The following GALNT10 variants were observed in gnomAD, a reference collection of about 807,000 sequenced individuals.
GALNT10 encodes the protein GalNAc transferase 10.
A neutral mutation model predicts 75.0 loss-of-function variants in GALNT10; 41 were observed. That is an observed-to-expected ratio of 0.55 (90% CI 0.43 to 0.71). The LOEUF is 0.71. GALNT10 is among the 30% of genes least tolerant of loss of function. The pLI is 0.00. For missense variants in GALNT10, 727 were observed against 818.5 expected (o/e 0.89, Z 1.36); for synonymous variants, 302 against 313.0 (o/e 0.96, Z 0.37).
At chr5:154,337,625 A>G in intron 4 of GALNT10, 1 of 904,300 alleles carries the variant, frequency 1.1e-6, no homozygotes, top group Non-Finnish European at 1.8e-6. Flanking sequence ...TTGAAGACTG[A>G]TAGTTGTAAT....
rs1274217887 is a variant in GALNT10 at position 154,352,208 on chromosome 5, G to A, written c.568+22470G>A. 1.3e-5 allele frequency among the ~76,000 whole-genome samples: 2 copies of A among 152,354 alleles called. No individual in the cohort carries two copies. Among genetic ancestry groups the A allele is most frequent in the East Asian group, 1.9e-4 (1 of 5,186 alleles). The stretch of plus-strand genomic sequence containing the variant: ...CACCCTGACCTGGGCCTCAGGGACT[G>A]TTCCCAGGCAGGGCTCACAAGGGAA... On this transcript the variant is annotated intron_variant, in intron 4 of 11. Coordinates refer to ENST00000297107, the MANE Select transcript of GALNT10 (RefSeq NM_198321.4). This position sits in a 1 kb window ranked among gnomAD's most constrained non-coding sequence, Gnocchi z 4.4.
chr5:154,350,227 ACT>A (rs1313446767), intron 4 of GALNT10, among the ~76,000 whole-genome samples: 2 of 151,988 alleles, frequency 1.3e-5, no homozygotes, highest in African/African-American at 4.8e-5. Flanking sequence ...AACTGGAGAC[ACT>A]GAGAATGGGG....
At chr5:154,255,108 A>G (rs1753586075) in intron 1 of GALNT10, among the ~76,000 whole-genome samples, 1 of 152,084 alleles carries the variant, frequency 6.6e-6, no homozygotes, top group Non-Finnish European at 1.5e-5. Flanking sequence ...ATGAGTCACC[A>G]TGCCCAGCCC....
At chr5:154,267,524 T>C (rs1753797064) in intron 1 of GALNT10, among the ~76,000 whole-genome samples, 1 of 152,236 alleles carries the variant, frequency 6.6e-6, no homozygotes, top group Non-Finnish European at 1.5e-5. Context: ...AGGTTTTCCC[T>C]GTCTGCCCTA....
chr5:154,336,818 T>A (rs1200528404), intron 4 of GALNT10, among the ~76,000 whole-genome samples: 1 of 152,226 alleles, frequency 6.6e-6, no homozygotes, highest in Non-Finnish European at 1.5e-5. Context: ...TTCTACTGTG[T>A]GCTAAGTGCA....
intron 4 of GALNT10, among the ~76,000 whole-genome samples, chr5:154,366,011 A>C (rs1381486027): frequency 6.6e-6 from 1 of 152,196 alleles, no homozygotes; most frequent in Non-Finnish European, 1.5e-5. Flanking sequence ...CATGTATATC[A>C]AGAGCAGATA....
chr5:154,387,520 G>C (rs549265790), intron 7 of GALNT10: 2 of 152,228 alleles, frequency 1.3e-5, no homozygotes, highest in Admixed American at 1.3e-4. Context: ...CAGGCACAGT[G>C]AATTAAGGCT....
At chr5:154,405,279 G>C (rs1324937798) in intron 8 of GALNT10, among the ~76,000 whole-genome samples, 1 of 152,166 alleles carries the variant, frequency 6.6e-6, no homozygotes, top group Non-Finnish European at 1.5e-5. Flanking sequence ...AAAGCCGAGA[G>C]GCTCAAAGAG....
chr5:154,254,706 G>A (rs6873164), intron 1 of GALNT10, among the ~76,000 whole-genome samples: 99,360 of 151,824 alleles, frequency 0.65, 32,871 homozygotes, highest in East Asian at 0.86. Flanking sequence ...GCATTGTATT[G>A]AGAAGATGTC....
chr5:154,229,778 A>G (rs1010634937), intron 1 of GALNT10, among the ~76,000 whole-genome samples: 4 of 152,202 alleles, frequency 2.6e-5, no homozygotes, highest in Non-Finnish European at 5.9e-5. Flanking sequence ...GGACCAGGAC[A>G]GTCTTACTCC....
intron 7 of GALNT10, 42 bp from the exon 8 acceptor site, chr5:154,404,062 G>C (rs1756221973): frequency 1.3e-6 from 2 of 1,488,790 alleles, no homozygotes; most frequent in Non-Finnish European, 1.9e-6. Context: ...TGGTGAACTG[G>C]AAGCAGAAAC....
chr5:154,334,888 T>C (rs1346083497), intron 4 of GALNT10, among the ~76,000 whole-genome samples: 1 of 152,208 alleles, frequency 6.6e-6, no homozygotes. Context: ...CCAGGGTCAA[T>C]AGTCCTCTTC....
At position 154,416,163 on chromosome 5, in the gene GALNT10, G is replaced by T. The variant is rs987618769; in HGVS notation, c.1653+231G>T. 2.0e-5 allele frequency among the ~76,000 whole-genome samples: 3 copies of T among 152,180 alleles called. No individual in the cohort carries two copies. The highest frequency in any genetic ancestry group is 4.4e-5 in the Non-Finnish European group (3 of 68,048). ...CCATTTAAAAAGAAAAGTGCAGCCGGGCACAGTGGCTCATGCCTGTAATCC... is the reference window on the plus strand; with the variant it reads ...CCATTTAAAAAGAAAAGTGCAGCCGTGCACAGTGGCTCATGCCTGTAATCC... On this transcript the variant is annotated intron_variant, in intron 11 of 11. Coordinates refer to ENST00000297107, the MANE Select transcript of GALNT10 (RefSeq NM_198321.4). The surrounding 1 kb of genome is among the most constrained non-coding windows in gnomAD (Gnocchi z 4.5).
chr5:154,404,536 G>A (rs1309373242), intron 8 of GALNT10, among the ~76,000 whole-genome samples: 2 of 151,680 alleles, frequency 1.3e-5, no homozygotes, highest in East Asian at 1.9e-4. Flanking sequence ...CAGAGGAGAC[G>A]ATCTTAGGCA....
In GALNT10 at chr5:154,344,070, G is replaced by A. The variant is rs190332453; in HGVS notation, c.568+14332G>A. Among the ~76,000 whole-genome samples, 7 of 152,158 alleles carry A rather than the reference G, an allele frequency of 4.6e-5. No individual in the cohort carries two copies. In the East Asian group the frequency reaches 9.7e-4, roughly 21 times the overall value. ...CATATTCATATTACATTAGAATCAC[G>A]CTCCTTGAAGGGTTCATCAGTGGGA... On this transcript the variant is annotated intron_variant, in intron 4 of 11. Coordinates refer to ENST00000297107, the MANE Select transcript of GALNT10 (RefSeq NM_198321.4).
chr5:154,279,592 C>G (rs138555674), intron 1 of GALNT10, among the ~76,000 whole-genome samples: 1 of 151,846 alleles, frequency 6.6e-6, no homozygotes, highest in Non-Finnish European at 1.5e-5. Context: ...CATGAGCCTC[C>G]GCACCTGGCT....
chr5:154,296,989 T>C (rs559009299), intron 2 of GALNT10, among the ~76,000 whole-genome samples: 2 of 152,356 alleles, frequency 1.3e-5, no homozygotes, highest in East Asian at 3.9e-4. Flanking sequence ...CAATGTTTAC[T>C]TTGCAGAGTA....
intron 8 of GALNT10, among the ~76,000 whole-genome samples, chr5:154,404,512 T>C (rs1406622426): frequency 1.3e-5 from 2 of 152,184 alleles, no homozygotes; most frequent in Non-Finnish European, 1.5e-5. Context: ...GTGATACTGT[T>C]TCCCAGAGTG....
At chr5:154,194,490 C>T (rs1774905362) in intron 1 of GALNT10, among the ~76,000 whole-genome samples, 1 of 152,110 alleles carries the variant, frequency 6.6e-6, no homozygotes, top group South Asian at 2.1e-4. Flanking sequence ...GTTGATTTGC[C>T]AGAACAAATC....
Sources: gnomAD v4.1 joint callset for allele counts (sites outside exome capture counted in the v4.1 genomes callset) on GRCh38, gnomAD v4.1.1 for gene constraint, Gnocchi (gnomAD v3.1) non-coding constraint, MANE v1.5 for transcripts, NCBI Gene and HGNC (gene_info 2026-07-23, HGNC 2026-07-21) for gene names.